The following TNFRSF19 variants were observed in gnomAD, a reference collection of about 807,000 sequenced individuals.
The protein encoded by TNFRSF19 is TNF receptor superfamily member 19, also known as tumor necrosis factor receptor superfamily member 19.
A neutral mutation model predicts 46.4 loss-of-function variants in TNFRSF19; 27 were observed. That is an observed-to-expected ratio of 0.58 (90% CI 0.43 to 0.80). The LOEUF (loss-of-function observed/expected upper bound fraction) is 0.80. TNFRSF19 is among the 30% of genes least tolerant of loss of function. The probability of loss-of-function intolerance (pLI) is 0.00; values close to 1 mark genes in which losing one functional copy is unlikely to be tolerated. For missense variants in TNFRSF19, 511 were observed against 530.8 expected, an observed-to-expected ratio of 0.96 and a Z score of 0.37; for synonymous variants, 204 against 205.0, an observed-to-expected ratio of 1.00 and a Z score of 0.04.
intron 5 of TNFRSF19, among the ~76,000 whole-genome samples, chr13:23,638,066 C>T (rs182683808): frequency 7.7e-6 from 1 of 129,276 alleles, no homozygotes; most frequent in Non-Finnish European, 1.8e-5. Context: ...ATGTTCAAGG[C>T]CATAATAATG....
At chr13:23,609,279 G>A (rs1880730450) in intron 3 of TNFRSF19, among the ~76,000 whole-genome samples, 1 of 152,048 alleles carries the variant, frequency 6.6e-6, no homozygotes, top group Non-Finnish European at 1.5e-5. Flanking sequence ...AAATACAAAA[G>A]CTTGTTCTGG....
At chr13:23,613,887 G>T (rs1366390754) in intron 3 of TNFRSF19, among the ~76,000 whole-genome samples, 2 of 152,192 alleles carry the variant, frequency 1.3e-5, no homozygotes, top group Non-Finnish European at 2.9e-5. Flanking sequence ...CACATGTCCA[G>T]AGAAATTCTC....
chr13:23,593,403 C>T lies in TNFRSF19; in HGVS notation c.128C>T (p.Ser43Phe). 6.2e-7 allele frequency: 1 copy of T among 1,602,508 alleles called. No individual in the cohort carries two copies. Among genetic ancestry groups the T allele is most frequent in the Non-Finnish European group, 8.5e-7 (1 of 1,177,028 alleles). Residue 43 changes from serine (S) to phenylalanine (F), a missense_variant, in exon 3 of 10, where the codon TCT becomes TTT. Physicochemically the swap from Ser to Phe is radical, Grantham distance 155. Around this residue, in one of 3 missense-constraint regions of TNFRSF19, gnomAD observed 121 missense variants for 124.1 expected, o/e 0.98. Coordinates refer to ENST00000248484, the MANE Select transcript of TNFRSF19 (RefSeq NM_148957.4). ...DCRQQEFRDR[S>F]GNCVPCNQCG... ...AGACAGCAAGAATTCAGGGATCGGT[C>T]TGGAAACTGTGTTCCCTGCAACCAG... is the stretch of plus-strand genomic sequence containing the variant.
At chr13:23,624,091 A>G (rs1460181525) in intron 4 of TNFRSF19, among the ~76,000 whole-genome samples, 1 of 152,050 alleles carries the variant, frequency 6.6e-6, no homozygotes, top group African/African-American at 2.4e-5. Flanking sequence ...TAGGTCTTTA[A>G]TCTGTTGCAT....
At chr13:23,591,181 T>C (rs1164563568) in intron 2 of TNFRSF19, among the ~76,000 whole-genome samples, 1 of 152,144 alleles carries the variant, frequency 6.6e-6, no homozygotes, top group East Asian at 1.9e-4. Flanking sequence ...GGCTGGATGC[T>C]GTGGCTCATG....
At chr13:23,590,754 A>T (rs1325364443) in intron 2 of TNFRSF19, among the ~76,000 whole-genome samples, 1 of 152,246 alleles carries the variant, frequency 6.6e-6, no homozygotes, top group Non-Finnish European at 1.5e-5. Flanking sequence ...TATATGTAAC[A>T]ATTGTTGAAA....
At chr13:23,663,937 C>G (rs1299178581) in intron 7 of TNFRSF19, among the ~76,000 whole-genome samples, 2 of 151,722 alleles carry the variant, frequency 1.3e-5, no homozygotes, top group Non-Finnish European at 2.9e-5. Context: ...TTTATTTCTT[C>G]AAAAAAACAA....
Position 23,593,331 on chromosome 13 carries a change from ATT to A in TNFRSF19, c.70-5_70-4del. ...ATACTTTAAGATAACATTTTGTTAA[ATT>A]TTTTTTTTCAGTCATGTAAAGTGAC... On this transcript the variant is annotated splice_polypyrimidine_tract_variant and intron_variant, in intron 2 of 9. Coordinates refer to ENST00000248484, the MANE Select transcript of TNFRSF19 (RefSeq NM_148957.4). 4 of 1,370,398 alleles carry A rather than the reference ATT, an allele frequency of 2.9e-6. No individual in the cohort carries two copies. Among genetic ancestry groups the A allele is most frequent in the East Asian group, 2.5e-5 (1 of 39,274 alleles). The allele number at this position is 1,370,398 out of a possible 1,614,324, so 84.9% of individuals were successfully genotyped here. A position where few individuals can be genotyped will look rare whatever the true frequency, so the allele number is the denominator to read the frequency against.
chr13:23,613,782 T>G (rs1881063597), intron 3 of TNFRSF19, among the ~76,000 whole-genome samples: 1 of 152,188 alleles, frequency 6.6e-6, no homozygotes. Context: ...AGCCTGTGCC[T>G]GCACACAGCT....
At chr13:23,647,920 A>G (rs1229350204) in intron 5 of TNFRSF19, among the ~76,000 whole-genome samples, 2 of 152,106 alleles carry the variant, frequency 1.3e-5, no homozygotes, top group African/African-American at 4.8e-5. Flanking sequence ...AGGACTGTCA[A>G]TTCTGTTCCA....
chr13:23,600,168 A>G (rs1880031738), intron 3 of TNFRSF19, among the ~76,000 whole-genome samples: 1 of 152,220 alleles, frequency 6.6e-6, no homozygotes, highest in African/African-American at 2.4e-5. Context: ...TGATTAAGAA[A>G]TCATTTTTCC....
At chr13:23,669,436 T>C (rs1258901477) in intron 9 of TNFRSF19, 4 of 984,066 alleles carry the variant, frequency 4.1e-6, no homozygotes, top group Non-Finnish European at 4.8e-6. Context: ...CATTTCTTCC[T>C]GTTATATATA....
chr13:23,591,886 C>A (rs981749481), intron 2 of TNFRSF19, among the ~76,000 whole-genome samples: 4 of 152,060 alleles, frequency 2.6e-5, no homozygotes, highest in Admixed American at 6.5e-5. Context: ...ACCACCACAC[C>A]TAGCTAATTT....
chr13:23,661,641 T>C (rs1884375033), intron 7 of TNFRSF19, among the ~76,000 whole-genome samples: 1 of 152,262 alleles, frequency 6.6e-6, no homozygotes, highest in African/African-American at 2.4e-5. Flanking sequence ...ATGGTTGAAC[T>C]AATTTACACT....
At chr13:23,634,400 T>C (rs545483094) in intron 5 of TNFRSF19, among the ~76,000 whole-genome samples, 2 of 152,352 alleles carry the variant, frequency 1.3e-5, no homozygotes, top group South Asian at 2.1e-4. Flanking sequence ...TTTAAAACCA[T>C]TGAGCTGGTT....
chr13:23,593,088 C>G (rs953667518), intron 2 of TNFRSF19, among the ~76,000 whole-genome samples: 10 of 151,776 alleles, frequency 6.6e-5, no homozygotes, highest in Non-Finnish European at 1.5e-4. Flanking sequence ...CAGTTAATTC[C>G]AAGAAAATGG....
In TNFRSF19 at chr13:23,668,713, G is replaced by T; in HGVS notation, c.861G>T (p.Glu287Asp). The change falls in exon 9 of 10, where the codon GAG becomes GAT. Residue 287 changes from glutamate to aspartate, a missense_variant. By Grantham distance (45) the Glu-to-Asp change is conservative. Around this residue, in one of 3 missense-constraint regions of TNFRSF19, gnomAD observed 376 missense variants for 372.7 expected, o/e 1.01. Coordinates refer to ENST00000248484, the MANE Select transcript of TNFRSF19 (RefSeq NM_148957.4). ...LQARNAGPAGEMVPTFFGSLT... is the reference protein window; with the variant it reads ...LQARNAGPAGDMVPTFFGSLT... ...GCAGAAACGCAGGCCCAGCCGGGGA[G>T]ATGGTGCCGACTTTCTTCGGATCCC... is the stretch of plus-strand genomic sequence containing the variant. The T allele has an allele frequency of 1.2e-6, 2 of 1,613,824 alleles. No individual in the cohort carries two copies. The highest frequency in any genetic ancestry group is 1.3e-5 in the African/African-American group (1 of 75,034).
chr13:23,645,747 G>A (rs1883293614), intron 5 of TNFRSF19, among the ~76,000 whole-genome samples: 1 of 152,138 alleles, frequency 6.6e-6, no homozygotes, highest in Non-Finnish European at 1.5e-5. Context: ...CCTATGCACT[G>A]ATGCTTTTTG....
chr13:23,643,886 A>G (rs1883165751), intron 5 of TNFRSF19, among the ~76,000 whole-genome samples: 1 of 152,152 alleles, frequency 6.6e-6, no homozygotes. Context: ...ATTTCACTTT[A>G]CTTACCCTGG....
Sources: gnomAD v4.1 joint callset for allele counts (sites outside exome capture counted in the v4.1 genomes callset) on GRCh38, gnomAD v4.1.1 for gene constraint, gnomAD v4.1.1 regional missense constraint, MANE v1.5 for transcripts, NCBI Gene and HGNC (gene_info 2026-07-23, HGNC 2026-07-21) for gene names.